Variants in GREB1 observed in about 807,000 individuals in gnomAD.
GREB1 encodes the protein growth regulating estrogen receptor binding 1.
A neutral mutation model predicts 200.7 loss-of-function variants in GREB1; 106 were observed. The observed-to-expected ratio is 0.53, with a 90% CI of 0.45 to 0.62. GREB1 has a LOEUF of 0.62. GREB1 is among the 20% of genes least tolerant of loss of function. The probability of loss-of-function intolerance (pLI) is 0.00; values close to 1 mark genes in which losing one functional copy is unlikely to be tolerated. For synonymous variants in GREB1, 1,132 were observed against 1,092.4 expected, an observed-to-expected ratio of 1.04 and a Z score of -0.72; for missense variants, 2,243 against 2,556.8, an observed-to-expected ratio of 0.88 and a Z score of 2.65.
Position 11,556,626 on chromosome 2 carries a change from T to G in GREB1, c.12T>G (p.Ser4=). The G allele has an allele frequency of 6.2e-7, 1 of 1,610,752 alleles. No homozygotes were observed. Among genetic ancestry groups the G allele is most frequent in the African/African-American group, 1.3e-5 (1 of 74,922 alleles). ...CCATCCTCTTGAAGATGGGAAATTC[T>G]TACGCTGGACAGCTGAAGACGACAC... MGN[S]YAGQLKTTRF... is the part of the protein sequence containing the mutation. The change falls in exon 2 of 33, where the codon TCT becomes TCG. Residue 4 remains serine, a synonymous_variant. Coordinates refer to ENST00000381486, the MANE Select transcript of GREB1 (RefSeq NM_014668.4).
At chr2:11,572,599 TCA>T (rs756007511) in intron 4 of GREB1, among the ~76,000 whole-genome samples, 5 of 152,056 alleles carry the variant, frequency 3.3e-5, no homozygotes, top group Non-Finnish European at 7.4e-5. Context: ...CCTCCACATC[TCA>T]CACTGTTGTG....
At chr2:11,539,612 A>C (rs1270204023) in intron 1 of GREB1, among the ~76,000 whole-genome samples, 4 of 152,094 alleles carry the variant, frequency 2.6e-5, no homozygotes, top group African/African-American at 9.7e-5. Context: ...ACAAACTTCC[A>C]TGTAGTTTAA....
chr2:11,584,464 A>C lies in GREB1; in HGVS notation c.902-697A>C, dbSNP rs531681075. 9.5e-4 allele frequency among the ~76,000 whole-genome samples: 144 copies of C among 152,180 alleles called. 1 individual carries two copies. The highest frequency in any genetic ancestry group is 3.3e-3 in the African/African-American group (139 of 41,506). On this transcript the variant is annotated intron_variant, in intron 7 of 32. Coordinates refer to ENST00000381486, the MANE Select transcript of GREB1 (RefSeq NM_014668.4). ...CCAAGCGGTGGAGCTGTGGTGGTGG[A>C]TCAAATACTGCTGCCGCCTGTCTGC...
chr2:11,640,444 G>A lies in GREB1; in HGVS notation c.5840G>A (p.Arg1947Gln), dbSNP rs772872339. 12 of 1,614,100 alleles carry A rather than the reference G, an allele frequency of 7.4e-6. No individual in the cohort carries two copies. Among genetic ancestry groups the A allele is most frequent in the Non-Finnish European group, 1.0e-5 (12 of 1,180,018 alleles). ...CGGCCGCTCTTTTTTCTGACGGGAC[G>A]ACACATCTGAGGAAGACAGCGGCGA... Reference protein sequence around the residue: ...EDRPLFFLTGRHI With the variant: ...EDRPLFFLTGQHI Residue 1947 changes from arginine (R) to glutamine (Q), a missense_variant, in exon 33 of 33, where the codon CGA becomes CAA. Physicochemically the swap from Arg to Gln is conservative, Grantham distance 43 (BLOSUM62 1). Coordinates refer to ENST00000381486, the MANE Select transcript of GREB1 (RefSeq NM_014668.4). This position sits in a 1 kb window ranked among gnomAD's most constrained non-coding sequence, Gnocchi z 4.6.
intron 1 of GREB1, among the ~76,000 whole-genome samples, chr2:11,501,986 G>A (rs1325050817): frequency 1.5e-4 from 19 of 126,512 alleles, no homozygotes; most frequent in African/African-American, 5.8e-4. Context: ...GTGCGATCTC[G>A]GCTCACTGCA....
chr2:11,580,650 T>C lies in GREB1; in HGVS notation c.773-54T>C, dbSNP rs973200751. 3.2e-6 allele frequency: 5 copies of C among 1,545,108 alleles called. No homozygotes were observed. The highest frequency in any genetic ancestry group is 1.3e-5 in the South Asian group (1 of 79,566). ...GAAAATGATTTCCTCCTTGCCTGGC[T>C]CCCAGGGCATTCTTGTGAACTGACC... is the stretch of plus-strand genomic sequence containing the variant. On this transcript the variant is annotated intron_variant, in intron 6 of 32. Coordinates refer to ENST00000381486, the MANE Select transcript of GREB1 (RefSeq NM_014668.4). The surrounding 1 kb of genome is among the most constrained non-coding windows in gnomAD (Gnocchi z 4.5).
intron 17 of GREB1, among the ~76,000 whole-genome samples, chr2:11,606,946 C>A (rs1682359471): frequency 6.6e-6 from 1 of 151,926 alleles, no homozygotes. Flanking sequence ...CCACGCCCAG[C>A]TAATTTTTGT....
intron 1 of GREB1, chr2:11,539,694 A>C (rs1674580941): frequency 6.6e-6 from 1 of 152,228 alleles, no homozygotes; most frequent in Non-Finnish European, 1.5e-5. Context: ...GTGACCCAGC[A>C]AAACACTTCA....
intron 17 of GREB1, among the ~76,000 whole-genome samples, chr2:11,606,547 T>C (rs550731068): frequency 6.2e-4 from 95 of 152,258 alleles, no homozygotes; most frequent in African/African-American, 2.1e-3. Context: ...TATTTATAGC[T>C]CTATAATCGC....
rs542286761 is a variant in GREB1 at position 11,574,694 on chromosome 2, C to G, written c.455-1659C>G. 8.3e-4 allele frequency among the ~76,000 whole-genome samples: 127 copies of G among 152,288 alleles called. No homozygotes were observed. In the Middle Eastern group the frequency reaches 0.017, roughly 20 times the overall value. On this transcript the variant is annotated intron_variant, in intron 4 of 32. Coordinates refer to ENST00000381486, the MANE Select transcript of GREB1 (RefSeq NM_014668.4). ...ACCTATGGATTTGAACAATTGGCCT[C>G]TCTGGTTCTCTGATTTCACAAAGAA...
chr2:11,615,103 CTG>C lies in GREB1; in HGVS notation c.3138_3139del (p.Cys1046Ter). 6.2e-7 allele frequency: 1 copy of C among 1,613,742 alleles called. No individual in the cohort carries two copies. The highest frequency in any genetic ancestry group is 8.5e-7 in the Non-Finnish European group (1 of 1,179,602). Reference protein sequence around the residue: ...GESLPRSLRYCDLRLINSSCL... With the variant: ...GESLPRSLRYXDLRLINSSCL... ...TGTGTCTTGCTAGGTCTTTGAGGTA[CTG>C]TGACCTGCGATTGATAAACTCCTCC... On this transcript the variant is annotated frameshift_variant, in exon 20 of 33. Coordinates refer to ENST00000381486, the MANE Select transcript of GREB1 (RefSeq NM_014668.4). LOFTEE classifies it high-confidence loss of function.
intron 17 of GREB1, among the ~76,000 whole-genome samples, chr2:11,608,211 G>A (rs1030679399): frequency 3.9e-5 from 6 of 152,074 alleles, no homozygotes; most frequent in Admixed American, 6.6e-5. Context: ...TTCTATCTAC[G>A]ACATTGAAGA....
chr2:11,522,508 A>G (rs1398884601), intron 1 of GREB1, among the ~76,000 whole-genome samples: 1 of 152,146 alleles, frequency 6.6e-6, no homozygotes, highest in Non-Finnish European at 1.5e-5. Flanking sequence ...GACCCTGCAC[A>G]CTGCTGCAGG....
chr2:11,617,671 T>C (rs1184589146), intron 21 of GREB1, among the ~76,000 whole-genome samples: 1 of 152,138 alleles, frequency 6.6e-6, no homozygotes, highest in Non-Finnish European at 1.5e-5. Flanking sequence ...GGGCGAGACG[T>C]GCAGGGCCTG....
chr2:11,486,984 AAGTT>A (rs537607075), intron 1 of GREB1, among the ~76,000 whole-genome samples: 345 of 152,288 alleles, frequency 2.3e-3, no homozygotes, highest in Middle Eastern at 0.02. Flanking sequence ...ATGCTTCTAA[AAGTT>A]AGTTAAAATT....
At position 11,493,371 on chromosome 2, in the gene GREB1, G is replaced by A. The variant is rs112842105; in HGVS notation, c.-159+10990G>A. ...CAGGTATTAGATTCTCATAAGGAGCGTGCAACCTGGATCCCTTGTAGGCGC... is the reference window on the plus strand; with the variant it reads ...CAGGTATTAGATTCTCATAAGGAGCATGCAACCTGGATCCCTTGTAGGCGC... On this transcript the variant is annotated intron_variant, in intron 1 of 2. Coordinates refer to the GREB1 transcript ENST00000628795. This position sits in a 1 kb window ranked among gnomAD's most constrained non-coding sequence, Gnocchi z 4.6. Among the ~76,000 whole-genome samples the A allele has an allele frequency of 5.6e-3, 853 of 152,202 alleles. 10 individuals carry two copies. Among genetic ancestry groups the A allele is most frequent in the African/African-American group, 0.019 (794 of 41,504 alleles).
At chr2:11,485,842 T>C (rs1672644203) in intron 1 of GREB1, among the ~76,000 whole-genome samples, 1 of 152,058 alleles carries the variant, frequency 6.6e-6, no homozygotes, top group African/African-American at 2.4e-5. Flanking sequence ...GATTCCAGAG[T>C]GTTCTGAGGC....
At chr2:11,562,424 A>C (rs746484164) in intron 2 of GREB1, 39 bp from the exon 3 acceptor site, 1 of 1,608,750 alleles carries the variant, frequency 6.2e-7, no homozygotes, top group South Asian at 1.1e-5. Context: ...GAGGCCAGAC[A>C]GCAGCTGCCT....
At chr2:11,532,818 A>G (rs1169692904), upstream of GREB1, among the ~76,000 whole-genome samples, 1 of 152,222 alleles carries the variant, frequency 6.6e-6, no homozygotes, top group Non-Finnish European at 1.5e-5. Context: ...GTCCATTGTC[A>G]TCGTGATGAT....
Sources: allele counts gnomAD v4.1 joint callset (sites outside exome capture counted in the v4.1 genomes callset), GRCh38; gene constraint gnomAD v4.1.1; non-coding constraint Gnocchi (gnomAD v3.1); transcripts MANE v1.5; gene names NCBI Gene and HGNC (gene_info 2026-07-23, HGNC 2026-07-21).